ANKS1B: variants seen among roughly 807,000 people sequenced by gnomAD.
ANKS1B encodes the protein ankyrin repeat and sterile alpha motif domain-containing protein 1B.
Under a neutral mutation model 148.3 loss-of-function variants are expected in ANKS1B, and 36 were observed. The ratio of observed to expected loss-of-function variants is 0.24; its 90% CI spans 0.19 to 0.32. ANKS1B has a LOEUF of 0.32. Ranked by LOEUF, ANKS1B falls within the 10% of genes least tolerant of loss-of-function variation. The pLI is 1.00. For synonymous variants in ANKS1B, 542 were observed against 560.8 expected (o/e 0.97, Z 0.47); for missense variants, 1,157 against 1,542.6 (o/e 0.75, Z 4.19).
intron 10 of ANKS1B, among the ~76,000 whole-genome samples, chr12:99,490,690 G>T (rs78635841): frequency 0.039 from 5,927 of 152,094 alleles, 167 homozygotes; most frequent in South Asian, 0.085. Flanking sequence ...ATATAATCAA[G>T]GTAAAATTGT....
chr12:99,554,888 CCTT>C (rs1479490694), intron 9 of ANKS1B, among the ~76,000 whole-genome samples: 27 of 152,122 alleles, frequency 1.8e-4, no homozygotes, highest in African/African-American at 5.8e-4. Flanking sequence ...TCTGTTGTTC[CCTT>C]CTTTGTGTCC....
intron 8 of ANKS1B, among the ~76,000 whole-genome samples, chr12:99,743,611 T>TG (rs2060318485): frequency 2.6e-5 from 4 of 152,172 alleles, no homozygotes; most frequent in African/African-American, 9.6e-5. Context: ...TGCTGAATAA[T>TG]TTTCAAGTTA....
At chr12:99,703,420 T>A (rs961610826) in intron 8 of ANKS1B, among the ~76,000 whole-genome samples, 1 of 152,204 alleles carries the variant, frequency 6.6e-6, no homozygotes, top group Non-Finnish European at 1.5e-5. Flanking sequence ...TCCATTGCTC[T>A]TCTCAAAAAT....
intron 14 of ANKS1B, among the ~76,000 whole-genome samples, chr12:99,202,865 A>C (rs1255223995): frequency 6.6e-6 from 1 of 152,118 alleles, no homozygotes; most frequent in Non-Finnish European, 1.5e-5. Context: ...GGACATCTGT[A>C]TTTGTCTTTA....
rs372295421 is a variant in ANKS1B at position 99,599,304 on chromosome 12, C to T, written c.1272+55763G>A. ...TCCATGTTGGTAGAATTGGAAAATA[C>T]ACAAAGGAGTAAAGGTCATGAGAAA... On this transcript the variant is annotated intron_variant, in intron 9 of 26. Coordinates refer to ENST00000683438, the MANE Select transcript of ANKS1B (RefSeq NM_001352186.2). Among the ~76,000 whole-genome samples, 14 of 152,090 alleles carry T rather than the reference C, an allele frequency of 9.2e-5. No individual in the cohort carries two copies. In the East Asian group the frequency reaches 1.5e-3, roughly 17 times the overall value.
chr12:99,349,044 A>T (rs1166341134), intron 12 of ANKS1B, among the ~76,000 whole-genome samples: 3 of 151,920 alleles, frequency 2.0e-5, no homozygotes, highest in African/African-American at 7.2e-5. Context: ...ACACAAACAC[A>T]TGGGAGAGAC....
At chr12:99,805,943 C>T (rs1350615605) in intron 4 of ANKS1B, among the ~76,000 whole-genome samples, 1 of 152,166 alleles carries the variant, frequency 6.6e-6, no homozygotes, top group Non-Finnish European at 1.5e-5. Context: ...AATCTGATTC[C>T]TCATCTCTTA....
chr12:99,065,645 A>C (rs2043990458), intron 16 of ANKS1B, among the ~76,000 whole-genome samples: 1 of 136,492 alleles, frequency 7.3e-6, no homozygotes, highest in Non-Finnish European at 1.6e-5. Context: ...CATCCCATCC[A>C]TCCATCCATC....
At chr12:99,132,680 T>A (rs1317576570) in intron 15 of ANKS1B, among the ~76,000 whole-genome samples, 1 of 152,186 alleles carries the variant, frequency 6.6e-6, no homozygotes, top group Non-Finnish European at 1.5e-5. Flanking sequence ...TTAACAGATC[T>A]GGGCTTGTAA....
intron 1 of ANKS1B, among the ~76,000 whole-genome samples, chr12:99,893,328 A>G (rs904452988): frequency 6.6e-6 from 1 of 151,270 alleles, no homozygotes; most frequent in Non-Finnish European, 1.5e-5. Context: ...GGAGAATGGC[A>G]TGAACCCAGG....
At chr12:99,458,520 T>C (rs1210736511) in intron 10 of ANKS1B, among the ~76,000 whole-genome samples, 1 of 149,806 alleles carries the variant, frequency 6.7e-6, no homozygotes, top group African/African-American at 2.4e-5. Flanking sequence ...TTAGCGAGAC[T>C]AACTAAGAAA....
intron 9 of ANKS1B, among the ~76,000 whole-genome samples, chr12:99,594,922 T>A (rs1425962130): frequency 1.3e-5 from 2 of 151,990 alleles, no homozygotes; most frequent in African/African-American, 2.4e-5. Flanking sequence ...GGCCTAAAAC[T>A]ACAGAGTAAA....
chr12:99,884,194 A>G (rs1255561048), intron 1 of ANKS1B, among the ~76,000 whole-genome samples: 1 of 152,130 alleles, frequency 6.6e-6, no homozygotes, highest in Non-Finnish European at 1.5e-5. Flanking sequence ...GAAAATGTAA[A>G]TAAAAATCCA....
intron 12 of ANKS1B, among the ~76,000 whole-genome samples, chr12:99,326,506 C>T (rs1287328752): frequency 1.4e-5 from 2 of 145,124 alleles, no homozygotes; most frequent in African/African-American, 5.5e-5. Context: ...TCCTTCTTCT[C>T]TCTGTTTTTG....
intron 12 of ANKS1B, among the ~76,000 whole-genome samples, chr12:99,312,569 C>T (rs1163900288): frequency 6.6e-6 from 1 of 152,032 alleles, no homozygotes; most frequent in Non-Finnish European, 1.5e-5. Context: ...AAAACCTGTG[C>T]CAAGCAGCTT....
chr12:99,370,239 G>A (rs1485584230), intron 12 of ANKS1B, among the ~76,000 whole-genome samples: 1 of 152,106 alleles, frequency 6.6e-6, no homozygotes, highest in Non-Finnish European at 1.5e-5. Flanking sequence ...CAACAAAGTT[G>A]ATTAGACAAA....
In ANKS1B at chr12:99,673,432, A is replaced by T. The variant is rs887532996; in HGVS notation, c.1129-18222T>A. ...AACATCCAGAAAACAAAGAAAATTTAAAAATCCTGAAGTCCACCATATCTA... is the reference window on the plus strand; with the variant it reads ...AACATCCAGAAAACAAAGAAAATTTTAAAATCCTGAAGTCCACCATATCTA... On this transcript the variant is annotated intron_variant, in intron 8 of 26. Coordinates refer to ENST00000683438, the MANE Select transcript of ANKS1B (RefSeq NM_001352186.2). Among the ~76,000 whole-genome samples, 57 of 152,206 alleles carry T rather than the reference A, an allele frequency of 3.7e-4. 1 individual carries two copies. Among genetic ancestry groups the T allele is most frequent in the Middle Eastern group, 3.4e-3 (1 of 294 alleles).
intron 11 of ANKS1B, among the ~76,000 whole-genome samples, chr12:99,442,034 TAA>T (rs2095557963): frequency 6.6e-6 from 1 of 151,946 alleles, no homozygotes; most frequent in Non-Finnish European, 1.5e-5. Flanking sequence ...ATGTCTTACT[TAA>T]ATAGCTTTAA....
chr12:99,135,932 C>G (rs2067891808), intron 15 of ANKS1B, among the ~76,000 whole-genome samples: 1 of 152,050 alleles, frequency 6.6e-6, no homozygotes, highest in Non-Finnish European at 1.5e-5. Context: ...TCTCAGAGAA[C>G]AGCCCAGCTT....
Sources: allele counts gnomAD v4.1 joint callset (sites outside exome capture counted in the v4.1 genomes callset), GRCh38; gene constraint gnomAD v4.1.1; transcripts MANE v1.5; gene names NCBI Gene and HGNC (gene_info 2026-07-23, HGNC 2026-07-21).